Variants in XNDC1N observed in about 807,000 individuals in gnomAD.
XNDC1N encodes protein XNDC1N.
chr11:71,913,683 A>G, the XNDC1N span, among the ~76,000 whole-genome samples: 9,717 of 151,010 alleles, frequency 0.064, 378 homozygotes, highest in Non-Finnish European at 0.092. Flanking sequence ...AAAAAAAAAA[A>G]AAAAAGAAAA....
At chr11:71,925,483 C>G in the XNDC1N span, among the ~76,000 whole-genome samples, 1 of 152,120 alleles carries the variant, frequency 6.6e-6, no homozygotes, top group African/African-American at 2.4e-5. Flanking sequence ...GCTAAGGCTT[C>G]AAAGACAGAA....
At chr11:71,868,413 G>A in the XNDC1N span, among the ~76,000 whole-genome samples, 1 of 152,096 alleles carries the variant, frequency 6.6e-6, no homozygotes, top group Admixed American at 6.5e-5. Flanking sequence ...GTGGTGGCTG[G>A]TACTCTTTCT....
At chr11:71,911,311 G>C in the XNDC1N span, among the ~76,000 whole-genome samples, 22 of 152,296 alleles carry the variant, frequency 1.4e-4, no homozygotes, top group East Asian at 3.9e-3. Context: ...GTTTGTAACA[G>C]CCTACACCCC....
At chr11:71,907,151 G>A in the XNDC1N span, among the ~76,000 whole-genome samples, 1 of 151,914 alleles carries the variant, frequency 6.6e-6, no homozygotes, top group East Asian at 1.9e-4. Context: ...CAGGATTCAC[G>A]TTTCACCACA....
At chr11:71,896,861 G>A in the XNDC1N span, among the ~76,000 whole-genome samples, 372 of 152,354 alleles carry the variant, frequency 2.4e-3, no homozygotes, top group Middle Eastern at 0.01. Context: ...ACTGCGGCCG[G>A]CCCATGCTGT....
chr11:71,912,172 T>C, the XNDC1N span, among the ~76,000 whole-genome samples: 1 of 152,210 alleles, frequency 6.6e-6, no homozygotes, highest in Non-Finnish European at 1.5e-5. Context: ...GCCAGCATGA[T>C]GCGAGGCAAG....
chr11:71,926,988 G>A, the XNDC1N span, among the ~76,000 whole-genome samples: 4 of 151,860 alleles, frequency 2.6e-5, no homozygotes, highest in South Asian at 2.1e-4. Context: ...AGTGGCTCAC[G>A]CCTGTAATCT....
the XNDC1N span, among the ~76,000 whole-genome samples, chr11:71,901,478 C>A: frequency 6.6e-6 from 1 of 151,676 alleles, no homozygotes; most frequent in African/African-American, 2.4e-5. Flanking sequence ...GGGCGACTGT[C>A]ATCTCAGCTA....
the XNDC1N span, chr11:71,893,744 T>C: frequency 6.0e-5 from 73 of 1,208,690 alleles, no homozygotes; most frequent in African/African-American, 9.7e-4. Context: ...AGCAGAGTCA[T>C]CTCTCATGCG....
the XNDC1N span, among the ~76,000 whole-genome samples, chr11:71,926,554 T>C: frequency 6.6e-6 from 1 of 152,150 alleles, no homozygotes; most frequent in Non-Finnish European, 1.5e-5. Flanking sequence ...AGGAAATTGG[T>C]TGACAATGTG....
chr11:71,928,224 A>C, the XNDC1N span: 1 of 538,718 alleles, frequency 1.9e-6, no homozygotes, highest in African/African-American at 1.9e-5. Context: ...AAGGCTCTTC[A>C]GCTCTCAGTT....
chr11:71,885,795 C>A, the XNDC1N span, among the ~76,000 whole-genome samples: 27 of 148,418 alleles, frequency 1.8e-4, no homozygotes, highest in African/African-American at 6.8e-4. Context: ...AATATTAATT[C>A]TTAGGAGCTA....
chr11:71,911,193 C>T, the XNDC1N span, among the ~76,000 whole-genome samples: 3 of 152,220 alleles, frequency 2.0e-5, no homozygotes, highest in African/African-American at 7.2e-5. Context: ...AAAGGCCTCC[C>T]GTGCTGTGGT....
chr11:71,903,902 C>A, the XNDC1N span: 167 of 425,220 alleles, frequency 3.9e-4, no homozygotes, highest in Non-Finnish European at 6.4e-4. Flanking sequence ...GAAGTATAAA[C>A]CTTCACCACC....
the XNDC1N span, among the ~76,000 whole-genome samples, chr11:71,901,041 G>A: frequency 3.5e-3 from 527 of 152,292 alleles, 5 homozygotes; most frequent in African/African-American, 0.012. Context: ...GTAGAACACA[G>A]CTAGACCAGT....
the XNDC1N span, chr11:71,903,415 A>C: frequency 1.9e-5 from 25 of 1,282,496 alleles, no homozygotes; most frequent in Non-Finnish European, 2.8e-5. Flanking sequence ...TTTCACCTCC[A>C]CACGGTCCCC....
the XNDC1N span, among the ~76,000 whole-genome samples, chr11:71,904,544 C>G: frequency 1.3e-5 from 2 of 152,212 alleles, no homozygotes; most frequent in East Asian, 3.9e-4. Flanking sequence ...TATGAGATGA[C>G]AAATAATATC....
chr11:71,909,216 C>G, the XNDC1N span, among the ~76,000 whole-genome samples: 18 of 152,090 alleles, frequency 1.2e-4, no homozygotes, highest in East Asian at 3.3e-3. Context: ...AATAGCTAGC[C>G]AGGTGTTTGT....
chr11:71,910,256 A>G, the XNDC1N span, among the ~76,000 whole-genome samples: 1 of 152,344 alleles, frequency 6.6e-6, no homozygotes, highest in African/African-American at 2.4e-5. Flanking sequence ...TACATCCAAC[A>G]GTAAATAACC....
Sources: allele counts gnomAD v4.1 joint callset (sites outside exome capture counted in the v4.1 genomes callset), GRCh38; gene constraint gnomAD v4.1.1; transcripts MANE v1.5; gene names NCBI Gene and HGNC (gene_info 2026-07-23, HGNC 2026-07-21).